GNAQ: variants seen among roughly 807,000 people sequenced by gnomAD.
GNAQ encodes guanine nucleotide-binding protein G(q) subunit alpha.
GNAQ carries 8 observed loss-of-function variants against 43.9 expected under a neutral mutation model. The observed-to-expected ratio is 0.18, with a 90% CI of 0.11 to 0.33. GNAQ has a LOEUF of 0.33. Ranked by LOEUF, GNAQ falls within the 10% of genes least tolerant of loss-of-function variation. GNAQ has a pLI of 1.00. For synonymous variants in GNAQ, 155 were observed against 170.7 expected (o/e 0.91, Z 0.71); for missense variants, 158 against 450.8 (o/e 0.35, Z 5.88).
chr9:77,736,221 C>T (rs938977768), intron 5 of GNAQ, among the ~76,000 whole-genome samples: 1 of 152,166 alleles, frequency 6.6e-6, no homozygotes, highest in East Asian at 1.9e-4. Flanking sequence ...ATTCTCCACC[C>T]GTTAAAGGGG....
At chr9:77,974,327 T>C (rs370294527) in intron 1 of GNAQ, among the ~76,000 whole-genome samples, 14 of 152,176 alleles carry the variant, frequency 9.2e-5, no homozygotes, top group East Asian at 1.9e-4. Flanking sequence ...GTTATCCCCA[T>C]GTACACAGTC....
chr9:77,927,249 C>G (rs937347353), intron 1 of GNAQ, among the ~76,000 whole-genome samples: 1 of 152,156 alleles, frequency 6.6e-6, no homozygotes, highest in African/African-American at 2.4e-5. Flanking sequence ...ATGATATAGT[C>G]TGCAAATAGT....
intron 1 of GNAQ, among the ~76,000 whole-genome samples, chr9:78,013,480 C>G (rs1445631107): frequency 6.6e-6 from 1 of 150,694 alleles, no homozygotes; most frequent in East Asian, 2.0e-4. Flanking sequence ...CACCCCACAA[C>G]AGGCCCCGGT....
At chr9:77,798,913 G>A (rs1287625966) in intron 3 of GNAQ, among the ~76,000 whole-genome samples, 1 of 152,136 alleles carries the variant, frequency 6.6e-6, no homozygotes, top group Admixed American at 6.5e-5. Context: ...TTTATATGTA[G>A]AGATTTGTGT....
chr9:77,988,227 TCAG>T (rs1823466688), intron 1 of GNAQ, among the ~76,000 whole-genome samples: 1 of 152,222 alleles, frequency 6.6e-6, no homozygotes, highest in African/African-American at 2.4e-5. Context: ...CATTTTAGCT[TCAG>T]CTCAGAGAGA....
At chr9:77,731,583 T>G (rs1825489523) in intron 5 of GNAQ, among the ~76,000 whole-genome samples, 1 of 152,234 alleles carries the variant, frequency 6.6e-6, no homozygotes, top group South Asian at 2.1e-4. Context: ...ATTGAATCTC[T>G]GAGGGGACAC....
intron 5 of GNAQ, among the ~76,000 whole-genome samples, chr9:77,749,275 C>T (rs1388326872): frequency 1.3e-5 from 2 of 152,212 alleles, no homozygotes; most frequent in Non-Finnish European, 2.9e-5. Flanking sequence ...CTCCACTGTA[C>T]AGAAGCAACG....
chr9:77,761,260 T>G, intron 5 of GNAQ, among the ~76,000 whole-genome samples: 2 of 121,916 alleles, frequency 1.6e-5, no homozygotes, highest in Admixed American at 8.1e-5. Flanking sequence ...AGCCACCCTG[T>G]CCGGGAGGGA....
intron 2 of GNAQ, among the ~76,000 whole-genome samples, chr9:77,894,174 T>G (rs1411253133): frequency 1.3e-5 from 2 of 151,530 alleles, no homozygotes; most frequent in African/African-American, 4.9e-5. Context: ...ATGTCTTTCA[T>G]GTTATTTCTC....
At chr9:77,852,542 C>G (rs977731922) in intron 2 of GNAQ, among the ~76,000 whole-genome samples, 2 of 152,312 alleles carry the variant, frequency 1.3e-5, no homozygotes, top group African/African-American at 4.8e-5. Context: ...CACTCAAGAC[C>G]CTCCACTAGC....
At chr9:77,782,605 TAAACATACTC>T (rs1826411855) in intron 5 of GNAQ, among the ~76,000 whole-genome samples, 1 of 152,172 alleles carries the variant, frequency 6.6e-6, no homozygotes, top group Non-Finnish European at 1.5e-5. Flanking sequence ...TTAAAAAAAC[TAAACATACTC>T]TTACCATATA....
intron 1 of GNAQ, among the ~76,000 whole-genome samples, chr9:77,982,360 T>A (rs1353597220): frequency 3.9e-5 from 6 of 152,230 alleles, no homozygotes; most frequent in Non-Finnish European, 5.9e-5. Context: ...AAAATTTTTT[T>A]AATTGAATCC....
intron 2 of GNAQ, among the ~76,000 whole-genome samples, chr9:77,853,511 A>G (rs995748932): frequency 2.0e-4 from 31 of 152,262 alleles, no homozygotes; most frequent in African/African-American, 7.0e-4. Flanking sequence ...TTCACTATGA[A>G]AGAAAACCAT....
At position 77,998,814 on chromosome 9, in the gene GNAQ, C is replaced by T. The variant is rs914001501; in HGVS notation, c.136+32286G>A. Among the ~76,000 whole-genome samples, 7 of 152,152 alleles carry T rather than the reference C, an allele frequency of 4.6e-5. No individual in the cohort carries two copies. The East Asian group carries it at 5.8e-4, about 13-fold the overall frequency. On this transcript the variant is annotated intron_variant, in intron 1 of 6. Transcript: ENST00000286548. The stretch of plus-strand genomic sequence containing the variant: ...CAATAAGACTTAAAAGGGCCGGGCA[C>T]GGTGGCTCAAACCTATAATCCCAGC...
intron 5 of GNAQ, among the ~76,000 whole-genome samples, chr9:77,792,278 GA>G (rs1311793979): frequency 2.0e-5 from 3 of 151,844 alleles, no homozygotes; most frequent in Admixed American, 2.0e-4. Flanking sequence ...GAGTCCTAAT[GA>G]AAAAATGATA....
At chr9:77,856,209 T>A (rs1376402063) in intron 2 of GNAQ, among the ~76,000 whole-genome samples, 1 of 152,190 alleles carries the variant, frequency 6.6e-6, no homozygotes, top group Non-Finnish European at 1.5e-5. Context: ...CTGTAAGTGA[T>A]TCTCTAACTC....
intron 1 of GNAQ, among the ~76,000 whole-genome samples, chr9:78,013,893 A>C (rs902283400): frequency 2.0e-5 from 3 of 152,194 alleles, no homozygotes; most frequent in African/African-American, 7.2e-5. Flanking sequence ...CATATAGCCC[A>C]AAAGCCAAAA....
intron 4 of GNAQ, among the ~76,000 whole-genome samples, chr9:77,796,891 G>A (rs1357117672): frequency 6.6e-6 from 1 of 152,124 alleles, no homozygotes. Context: ...TGTCCTTACA[G>A]TTAAAATGAT....
chr9:78,009,719 A>T lies in GNAQ; in HGVS notation c.136+21381T>A, dbSNP rs553256843. 3.0e-4 allele frequency among the ~76,000 whole-genome samples: 45 copies of T among 152,228 alleles called. 1 individual carries two copies. Among genetic ancestry groups the T allele is most frequent in the Admixed American group, 2.9e-3 (45 of 15,286 alleles). ...TAGAGAATGAACAGGGTAGAATTACAAATGCTAGAAATTGGGAATAAAGTT... is the reference window on the plus strand; with the variant it reads ...TAGAGAATGAACAGGGTAGAATTACTAATGCTAGAAATTGGGAATAAAGTT... On this transcript the variant is annotated intron_variant, in intron 1 of 6. Transcript: ENST00000286548.
Sources: gnomAD v4.1 joint callset for allele counts (sites outside exome capture counted in the v4.1 genomes callset) on GRCh38, gnomAD v4.1.1 for gene constraint, MANE v1.5 for transcripts, NCBI Gene and HGNC (gene_info 2026-07-23, HGNC 2026-07-21) for gene names.